Variants in SMC1B observed in about 807,000 individuals in gnomAD.
SMC1B encodes the protein structural maintenance of chromosomes protein 1B.
A neutral mutation model predicts 157.9 loss-of-function variants in SMC1B; 60 were observed. The observed-to-expected ratio is 0.38, with a 90% confidence interval of 0.31 to 0.47. The LOEUF (loss-of-function observed/expected upper bound fraction) is 0.47. SMC1B is among the 20% of genes least tolerant of loss of function. The probability of loss-of-function intolerance (pLI) is 0.99; values close to 1 mark genes in which losing one functional copy is unlikely to be tolerated. For missense variants in SMC1B, 1,165 were observed against 1,426.2 expected, an observed-to-expected ratio of 0.82 and a Z score of 2.95; for synonymous variants, 445 against 483.0, an observed-to-expected ratio of 0.92 and a Z score of 1.03.
Position 45,391,167 on chromosome 22 carries a change from C to T in SMC1B, c.1546-1270G>A, listed in dbSNP as rs78005104. Among the ~76,000 whole-genome samples the T allele has an allele frequency of 9.2e-3, 1,391 of 151,796 alleles. 15 individuals carry two copies. Among genetic ancestry groups the T allele is most frequent in the African/African-American group, 0.032 (1,304 of 41,342 alleles). ...GCCTCCGAGTAGCTGAAACTATAGG[C>T]GCACACCATCACGCCTGGCAGCTAC... On this transcript the variant is annotated intron_variant, in intron 9 of 24. Coordinates refer to ENST00000357450, the MANE Select transcript of SMC1B (RefSeq NM_148674.5).
At chr22:45,357,483 G>C (rs2086680911) in intron 19 of SMC1B, among the ~76,000 whole-genome samples, 1 of 152,250 alleles carries the variant, frequency 6.6e-6, no homozygotes, top group South Asian at 2.1e-4. Flanking sequence ...TGGGATGCCA[G>C]TGAGCAAATT....
chr22:45,395,378 A>C, intron 7 of SMC1B, among the ~76,000 whole-genome samples: 1 of 152,204 alleles, frequency 6.6e-6, no homozygotes, highest in East Asian at 1.9e-4. Context: ...CTGCAACTAC[A>C]TGTGTTCTTC....
intron 15 of SMC1B, among the ~76,000 whole-genome samples, chr22:45,369,699 C>A (rs964348378): frequency 2.6e-5 from 4 of 151,686 alleles, no homozygotes; most frequent in African/African-American, 7.3e-5. Context: ...CCTGCCACCA[C>A]GCCTGGCTAA....
rs185848346 is a variant in SMC1B, at chr22:45,388,567, C to A, written c.1731+1145G>T. ...TAACACCAGCCAGCATTTGCTGAGC[C>A]CCTCCTCTGTGCAGGTCCTATGCCA... On this transcript the variant is annotated intron_variant, in intron 10 of 24. Transcript: ENST00000357450. Among the ~76,000 whole-genome samples the A allele has an allele frequency of 6.0e-3, 906 of 152,250 alleles. 4 individuals are homozygous for A. The highest frequency in any genetic ancestry group is 9.7e-3 in the Non-Finnish European group (660 of 68,008).
At chr22:45,397,305 C>T (rs2087136279) in intron 6 of SMC1B, among the ~76,000 whole-genome samples, 1 of 151,982 alleles carries the variant, frequency 6.6e-6, no homozygotes, top group Non-Finnish European at 1.5e-5. Flanking sequence ...TCACTTGAGC[C>T]CAGGAGTTTG....
intron 12 of SMC1B, among the ~76,000 whole-genome samples, chr22:45,381,428 A>C (rs933509862): frequency 1.3e-5 from 2 of 152,078 alleles, no homozygotes; most frequent in Non-Finnish European, 2.9e-5. Context: ...GACTCTTCCA[A>C]ACTCAGGAAT....
At chr22:45,409,601 TAAATAAATA>T (rs764230625) in intron 1 of SMC1B, among the ~76,000 whole-genome samples, 2,967 of 83,596 alleles carry the variant, frequency 0.035, 86 homozygotes, top group African/African-American at 0.21. Context: ...AATAAATAAA[TAAATAAATA>T]AAAACAAGAG....
chr22:45,386,604 C>T (rs1239174252), intron 11 of SMC1B, among the ~76,000 whole-genome samples: 1 of 151,428 alleles, frequency 6.6e-6, no homozygotes, highest in Non-Finnish European at 1.5e-5. Flanking sequence ...CAACTAACTG[C>T]TTTAAGATAT....
intron 15 of SMC1B, among the ~76,000 whole-genome samples, chr22:45,367,211 A>T (rs1324677885): frequency 6.6e-6 from 1 of 152,036 alleles, no homozygotes; most frequent in South Asian, 2.1e-4. Context: ...TTAAAGGATT[A>T]TCTCTGTCTG....
rs1185961052 is a variant in SMC1B, at chr22:45,402,496, T to C, written c.691A>G (p.Asn231Asp). ...TTCAGGAGATGAATCTTTTTCTCATTATGGTATAGTTGAAAAAGCTGCAGT... is the reference window on the plus strand; with the variant it reads ...TTCAGGAGATGAATCTTTTTCTCATCATGGTATAGTTGAAAAAGCTGCAGT... Reference protein sequence around the residue: ...IQLQLFQLYHNEKKIHLLNTK... With the variant: ...IQLQLFQLYHDEKKIHLLNTK... Residue 231 changes from asparagine to aspartate, a missense_variant, in exon 5 of 25, where the codon AAT becomes GAT. Transcript: ENST00000357450. 6.2e-7 allele frequency: 1 copy of C among 1,613,836 alleles called. No individual in the cohort carries two copies. The highest frequency in any genetic ancestry group is 1.3e-5 in the African/African-American group (1 of 74,912).
At chr22:45,362,085 A>G in intron 16 of SMC1B, 101 bp from the exon 17 acceptor site, 1 of 1,210,662 alleles carries the variant, frequency 8.3e-7, no homozygotes. Flanking sequence ...CCCGAGATGA[A>G]CCTTCTCACC....
chr22:45,397,944 C>T (rs547360346), intron 6 of SMC1B, among the ~76,000 whole-genome samples: 152 of 152,250 alleles, frequency 1.0e-3, no homozygotes, highest in Non-Finnish European at 1.6e-3. Flanking sequence ...AACTGAGGAC[C>T]CACTGAACGT....
At position 45,383,593 on chromosome 22, in the gene SMC1B, T is replaced by A. The variant is rs1420639080; in HGVS notation, c.1932A>T (p.Thr644=). The A allele has an allele frequency of 6.3e-7, 1 of 1,597,802 alleles. No homozygotes were observed. The highest frequency in any genetic ancestry group is 1.1e-5 in the South Asian group (1 of 87,960). The change falls in exon 12 of 25, where the codon ACA becomes ACT. Residue 644 remains threonine, a synonymous_variant. Coordinates refer to ENST00000357450, the MANE Select transcript of SMC1B (RefSeq NM_148674.5). ...AGATCACTCCAGATTTTAAAAATAATGTTCCATCAAGAGCTACTGTCTGTA... is the reference window on the plus strand; with the variant it reads ...AGATCACTCCAGATTTTAAAAATAAAGTTCCATCAAGAGCTACTGTCTGTA... The part of the protein sequence containing the change: ...ERQKTVALDG[T]LFLKSGVISG...
intron 22 of SMC1B, among the ~76,000 whole-genome samples, chr22:45,351,624 T>C (rs931917149): frequency 6.6e-6 from 1 of 152,194 alleles, no homozygotes; most frequent in African/African-American, 2.4e-5. Context: ...TCACGGTTTA[T>C]TGCAGCCTCG....
At chr22:45,363,763 T>C (rs996252525) in intron 15 of SMC1B, among the ~76,000 whole-genome samples, 2 of 152,196 alleles carry the variant, frequency 1.3e-5, no homozygotes, top group African/African-American at 2.4e-5. Context: ...TGCATACAGA[T>C]GATGTTTCTT....
chr22:45,360,446 A>G (rs971773189), intron 17 of SMC1B, among the ~76,000 whole-genome samples: 7 of 152,206 alleles, frequency 4.6e-5, no homozygotes, highest in Non-Finnish European at 2.9e-5. Context: ...GGACCAAAAG[A>G]AAATGGAAAA....
In SMC1B at chr22:45,353,893, CAAAAA is replaced by C. The variant is rs3833396; in HGVS notation, c.3273+80_3273+84del. On this transcript the variant is annotated intron_variant, in intron 21 of 24. Transcript: ENST00000357450. The stretch of plus-strand genomic sequence containing the variant: ...TAATGTGGCAGTGGTTATTTCCCAC[CAAAAA>C]AAAAAAAAAAAAAAAAAAAAAACAA... 8.4e-4 allele frequency: 208 copies of C among 246,942 alleles called. 1 individual carries two copies. Among genetic ancestry groups the C allele is most frequent in the Middle Eastern group, 2.4e-3 (2 of 824 alleles). 15.3% of individuals were successfully genotyped at this position (246,942 alleles called of 1,614,324 possible). A position where few individuals can be genotyped will look rare whatever the true frequency, so the allele number is the denominator to read the frequency against.
chr22:45,352,461 C>T lies in SMC1B; in HGVS notation c.3415G>A (p.Ala1139Thr). The change falls in exon 22 of 25, where the codon GCT becomes ACT. Residue 1139 changes from alanine (A) to threonine (T), a missense_variant. Coordinates refer to ENST00000357450, the MANE Select transcript of SMC1B (RefSeq NM_148674.5). ...KCVAALALLF[A>T]VHSFRPAPFF... is the part of the protein sequence containing the mutation. ...CTTTTGTGACCTTACCTGTGCACAG[C>T]AAACAGGAGAGCCAAGGCTGCCACA... 1.2e-6 allele frequency: 2 copies of T among 1,613,656 alleles called. No homozygotes were observed. Among genetic ancestry groups the T allele is most frequent in the Non-Finnish European group, 1.7e-6 (2 of 1,179,808 alleles).
At chr22:45,386,573 A>AAACAAC (rs10694878) in intron 11 of SMC1B, among the ~76,000 whole-genome samples, 49 of 150,990 alleles carry the variant, frequency 3.2e-4, no homozygotes, top group South Asian at 1.7e-3. Context: ...ATAAGGTTTA[A>AAACAAC]AACAACAACA....
Sources: allele counts gnomAD v4.1 joint callset (sites outside exome capture counted in the v4.1 genomes callset), GRCh38; gene constraint gnomAD v4.1.1; transcripts MANE v1.5; gene names NCBI Gene and HGNC (gene_info 2026-07-23, HGNC 2026-07-21).